S100PBP: variants seen among roughly 807,000 people sequenced by gnomAD.
The protein encoded by S100PBP is S100P binding protein.
Under a neutral mutation model 39.9 loss-of-function variants are expected in S100PBP, and 15 were observed. The ratio of observed to expected loss-of-function variants is 0.38; its 90% confidence interval spans 0.25 to 0.58. The LOEUF is 0.58. Ranked by LOEUF, S100PBP falls within the 20% of genes least tolerant of loss-of-function variation. The probability of loss-of-function intolerance (pLI) is 0.70; values close to 1 mark genes in which losing one functional copy is unlikely to be tolerated. For missense variants in S100PBP, 504 were observed against 487.3 expected, an observed-to-expected ratio of 1.03 and a Z score of -0.32; for synonymous variants, 178 against 180.3, an observed-to-expected ratio of 0.99 and a Z score of 0.10.
rs746001424 is a variant in S100PBP, at chr1:32,826,842, C to T, written c.743C>T (p.Pro248Leu). The T allele has an allele frequency of 1.9e-6, 3 of 1,614,028 alleles. No individual in the cohort carries two copies. Among genetic ancestry groups the T allele is most frequent in the Admixed American group, 3.3e-5 (2 of 60,012 alleles). The change falls in exon 3 of 7, where the codon CCT becomes CTT. Residue 248 changes from proline (P) to leucine (L), a missense_variant. By Grantham distance (98) the Pro-to-Leu change is moderately conservative (BLOSUM62 -3). Coordinates refer to ENST00000373475, the MANE Select transcript of S100PBP (RefSeq NM_022753.4). ...FSRISDHSET[P>L]NMELSCRNGG... Reference sequence around the variant, plus strand: ...CGGATCTCAGACCATTCAGAGACTCCTAATATGGAGTTATCCTGCAGAAAT... The same window carrying T: ...CGGATCTCAGACCATTCAGAGACTCTTAATATGGAGTTATCCTGCAGAAAT...
chr1:32,821,933 G>A lies in S100PBP; in HGVS notation c.-119-3380G>A, dbSNP rs181524851. Among the ~76,000 whole-genome samples the A allele has an allele frequency of 4.6e-3, 692 of 152,078 alleles. 2 individuals are homozygous for A. Among genetic ancestry groups the A allele is most frequent in the Non-Finnish European group, 7.5e-3 (509 of 67,968 alleles). On this transcript the variant is annotated intron_variant, in intron 1 of 6. Coordinates refer to ENST00000373475, the MANE Select transcript of S100PBP (RefSeq NM_022753.4). ...GGATTACAGGCGTAAGCCATCTCGC[G>A]TATTGTTTTTTTAATAAAGTAATTG...
intron 5 of S100PBP, among the ~76,000 whole-genome samples, chr1:32,832,073 T>G (rs1447829397): frequency 6.6e-6 from 1 of 152,124 alleles, no homozygotes; most frequent in Non-Finnish European, 1.5e-5. Context: ...TAGTCTAGAG[T>G]TAACATCTGG....
At chr1:32,830,376 C>T (rs193083062) in intron 5 of S100PBP, among the ~76,000 whole-genome samples, 20 of 152,150 alleles carry the variant, frequency 1.3e-4, no homozygotes, top group Middle Eastern at 6.8e-3. Context: ...TGAAAAATAA[C>T]GGAAGTGGAT....
chr1:32,828,164 G>T (rs1639426349), intron 4 of S100PBP, 83 bp downstream of exon 4: 7 of 904,104 alleles, frequency 7.7e-6, no homozygotes. Context: ...TCCTCTTAGT[G>T]CAGGGAAAAA....
intron 6 of S100PBP, among the ~76,000 whole-genome samples, chr1:32,853,585 G>A (rs1373727373): frequency 2.0e-5 from 3 of 151,986 alleles, no homozygotes; most frequent in Non-Finnish European, 2.9e-5. Flanking sequence ...GGGAAAAAGT[G>A]ATGCAGTATA....
intron 5 of S100PBP, among the ~76,000 whole-genome samples, chr1:32,846,199 C>T (rs1640367408): frequency 6.6e-6 from 1 of 151,850 alleles, no homozygotes; most frequent in African/African-American, 2.4e-5. Context: ...CTGTGTTGGC[C>T]AGGCTGGTCT....
intron 5 of S100PBP, among the ~76,000 whole-genome samples, chr1:32,845,014 A>T (rs1746663): frequency 0.98 from 146,233 of 149,354 alleles, 71,650 homozygotes; most frequent in East Asian, 1. Context: ...TATTTTTATT[A>T]TTTATTTATT....
At chr1:32,840,558 T>C (rs571048812) in intron 5 of S100PBP, among the ~76,000 whole-genome samples, 2 of 152,078 alleles carry the variant, frequency 1.3e-5, no homozygotes, top group East Asian at 2.0e-4. Context: ...GGTTTTGCCA[T>C]GTTGGCCAGG....
chr1:32,857,928 A>G lies in S100PBP; in HGVS notation c.*1890A>G, dbSNP rs1227696376. 3 of 152,232 alleles carry G rather than the reference A, an allele frequency of 2.0e-5. No homozygotes were observed. The highest frequency in any genetic ancestry group is 2.9e-5 in the Non-Finnish European group (2 of 68,032). The allele number at this position is 152,232 out of a possible 1,614,324, so 9.4% of individuals were successfully genotyped here. On this transcript the variant is annotated 3_prime_UTR_variant, in exon 7 of 7. Coordinates refer to ENST00000373475, the MANE Select transcript of S100PBP (RefSeq NM_022753.4). ...ACATTTGTTTTAAATTCTGGGGCCAAAATGCAAAGGAGAAGTTCTATTCAA... is the reference window on the plus strand; with the variant it reads ...ACATTTGTTTTAAATTCTGGGGCCAGAATGCAAAGGAGAAGTTCTATTCAA...
intron 5 of S100PBP, among the ~76,000 whole-genome samples, chr1:32,832,279 GT>G (rs5773388): frequency 0.99 from 147,883 of 150,124 alleles, 72,861 homozygotes; most frequent in East Asian, 1. Flanking sequence ...TCATACTGAA[GT>G]TTTTTTTTTT....
At chr1:32,822,036 C>G (rs1639094201) in intron 1 of S100PBP, among the ~76,000 whole-genome samples, 1 of 151,860 alleles carries the variant, frequency 6.6e-6, no homozygotes, top group African/African-American at 2.4e-5. Flanking sequence ...ATGGACCTTA[C>G]TTGGATACTG....
chr1:32,836,448 T>G, intron 5 of S100PBP: 1 of 774,846 alleles, frequency 1.3e-6, no homozygotes, highest in Middle Eastern at 6.6e-4. Flanking sequence ...TTTGTTTTTG[T>G]TTGTTTTTTT....
rs371462580 is a variant in S100PBP, at chr1:32,826,683, C to T, written c.584C>T (p.Thr195Ile). The T allele has an allele frequency of 1.2e-6, 2 of 1,613,998 alleles. No homozygotes were observed. Among genetic ancestry groups the T allele is most frequent in the African/African-American group, 2.7e-5 (2 of 74,896 alleles). The change falls in exon 3 of 7, where the codon ACT becomes ATT. Residue 195 changes from threonine (T) to isoleucine (I), a missense_variant. Coordinates refer to ENST00000373475, the MANE Select transcript of S100PBP (RefSeq NM_022753.4). ...AGCCCAAATGAAAGCAAACTTTGTA[C>T]TGAATCTGAAGGGATCAGCCCCAAT... The part of the protein sequence containing the change: ...GLSPNESKLC[T>I]ESEGISPNNS...
chr1:32,817,360 G>C, upstream of S100PBP: 1 of 1,360,088 alleles, frequency 7.4e-7, no homozygotes, highest in South Asian at 1.2e-5. Flanking sequence ...GCATCAGCTG[G>C]GCTCGGCGCT....
Position 32,838,349 on chromosome 1 carries a change from AAAAAG to A in S100PBP, c.1024+8296_1024+8300del, listed in dbSNP as rs996810563. ...ACTCTGTCTCAAAAAAAAAAAAAAA[AAAAAG>A]AAAAGAAAAGAAACTGCCAAACTGT... is the stretch of plus-strand genomic sequence containing the variant. On this transcript the variant is annotated intron_variant, in intron 5 of 6. Transcript: ENST00000373475. Among the ~76,000 whole-genome samples, 234 of 151,174 alleles carry A rather than the reference AAAAAG, an allele frequency of 1.5e-3. 1 individual carries two copies. The highest frequency in any genetic ancestry group is 3.4e-3 in the Middle Eastern group (1 of 294).
intron 4 of S100PBP, among the ~76,000 whole-genome samples, chr1:32,829,065 C>T (rs1639471604): frequency 6.6e-6 from 1 of 152,202 alleles, no homozygotes; most frequent in South Asian, 2.1e-4. Context: ...TCCCGAATCC[C>T]AGTTTCCTGG....
chr1:32,822,840 G>T (rs934274335), intron 1 of S100PBP, among the ~76,000 whole-genome samples: 1 of 152,044 alleles, frequency 6.6e-6, no homozygotes, highest in Non-Finnish European at 1.5e-5. Flanking sequence ...CAATGGTTAC[G>T]AAGGATATTG....
intron 5 of S100PBP, chr1:32,836,590 A>G (rs1639829172): frequency 3.1e-6 from 3 of 981,822 alleles, no homozygotes; most frequent in Non-Finnish European, 3.6e-6. Context: ...ATTTTTGTAG[A>G]GTTGTTAATT....
In S100PBP at chr1:32,826,765, T is replaced by C. The variant is rs759723646; in HGVS notation, c.666T>C (p.Thr222=). The C allele has an allele frequency of 7.4e-6, 12 of 1,614,022 alleles. No homozygotes were observed. The East Asian group carries it at 2.2e-4, about 30-fold the overall frequency. ...CTTCAAACAATAACTTTCAACAGAC[T>C]GTCTCTGATAAAAATATGCCTGACA... ...LSSSNNNFQQ[T]VSDKNMPDSE... is the part of the protein sequence containing the mutation. The change falls in exon 3 of 7, where the codon ACT becomes ACC. Residue 222 remains threonine, a synonymous_variant. Coordinates refer to ENST00000373475, the MANE Select transcript of S100PBP (RefSeq NM_022753.4).
Sources: allele counts gnomAD v4.1 joint callset (sites outside exome capture counted in the v4.1 genomes callset), GRCh38; gene constraint gnomAD v4.1.1; transcripts MANE v1.5; gene names NCBI Gene and HGNC (gene_info 2026-07-23, HGNC 2026-07-21).